Variants in PHF14 observed in about 807,000 individuals in gnomAD.
PHF14 encodes PHD finger protein 14.
Under a neutral mutation model 117.9 loss-of-function variants are expected in PHF14, and 55 were observed. The ratio of observed to expected loss-of-function variants is 0.47; its 90% CI spans 0.38 to 0.58. The LOEUF (loss-of-function observed/expected upper bound fraction) is 0.58, where lower values mean the gene tolerates loss of function less well. Ranked by LOEUF, PHF14 falls within the 20% of genes least tolerant of loss-of-function variation. PHF14 has a pLI of 0.00. For synonymous variants in PHF14, 409 were observed against 368.6 expected (o/e 1.11, Z -1.26); for missense variants, 978 against 1,122.2 (o/e 0.87, Z 1.84).
At chr7:11,150,127 A>G (rs756400467) in intron 17 of PHF14, among the ~76,000 whole-genome samples, 3 of 152,124 alleles carry the variant, frequency 2.0e-5, no homozygotes, top group Non-Finnish European at 4.4e-5. Flanking sequence ...AGGTATAACA[A>G]TATGCCAGGG....
Position 11,033,555 on chromosome 7 carries a change from C to G in PHF14, c.1456-2085C>G, listed in dbSNP as rs577293993. 7.9e-5 allele frequency among the ~76,000 whole-genome samples: 12 copies of G among 152,220 alleles called. No individual in the cohort carries two copies. In the East Asian group the frequency reaches 1.9e-3, roughly 25 times the overall value. ...GGAGGCTGGATCAGATAGTTTCTAG[C>G]AGGGTAGCCATATGCCCAGTAAAAA... On this transcript the variant is annotated intron_variant, in intron 7 of 17. Coordinates refer to ENST00000634607, the MANE Select transcript of PHF14 (RefSeq NM_001007157.2).
intron 17 of PHF14, among the ~76,000 whole-genome samples, chr7:11,159,647 C>T (rs1270757980): frequency 6.6e-6 from 1 of 152,056 alleles, no homozygotes; most frequent in African/African-American, 2.4e-5. Context: ...TAAGATTACA[C>T]TACAGCTTTG....
intron 7 of PHF14, among the ~76,000 whole-genome samples, chr7:11,030,925 T>C (rs914044887): frequency 1.3e-4 from 20 of 152,238 alleles, no homozygotes; most frequent in African/African-American, 4.8e-4. Context: ...GAATATTGCA[T>C]GAATCAATAT....
chr7:11,134,819 A>C (rs1788173453), intron 17 of PHF14, among the ~76,000 whole-genome samples: 1 of 152,180 alleles, frequency 6.6e-6, no homozygotes, highest in Non-Finnish European at 1.5e-5. Context: ...AAAAAACATG[A>C]GTAAACTCAA....
intron 4 of PHF14, chr7:11,006,510 A>G: frequency 3.6e-6 from 2 of 562,612 alleles, no homozygotes; most frequent in Non-Finnish European, 6.9e-6. Flanking sequence ...CACCTTGGCC[A>G]CATCAATGTC....
intron 16 of PHF14, among the ~76,000 whole-genome samples, chr7:11,091,888 T>A (rs1462980269): frequency 6.6e-6 from 1 of 152,220 alleles, no homozygotes; most frequent in Admixed American, 6.5e-5. Context: ...AGTAAATGAC[T>A]GCGTCTTTCA....
At chr7:11,126,496 T>C (rs1787932918) in intron 17 of PHF14, among the ~76,000 whole-genome samples, 1 of 152,154 alleles carries the variant, frequency 6.6e-6, no homozygotes, top group African/African-American at 2.4e-5. Context: ...CTTTATTTTT[T>C]AGTATTCTCA....
At position 11,023,044 on chromosome 7, in the gene PHF14, T is replaced by C. The variant is rs143179576; in HGVS notation, c.1317+65T>C. ...GTTTTACTTGTTAGTTTACCTGGCT[T>C]TTTATTTGTATTATGTTGACTGCAG... On this transcript the variant is annotated intron_variant, in intron 6 of 17. Transcript: ENST00000634607. The C allele has an allele frequency of 1.6e-4, 128 of 824,120 alleles. No individual in the cohort carries two copies. The African/African-American group carries it at 2.0e-3, about 13-fold the overall frequency. The allele number at this position is 824,120 out of a possible 1,614,324, so 51.1% of individuals were successfully genotyped here.
intron 7 of PHF14, among the ~76,000 whole-genome samples, chr7:11,030,637 T>C (rs1267400391): frequency 6.6e-6 from 1 of 152,098 alleles, no homozygotes. Flanking sequence ...ATAAGCTAAT[T>C]TGAGGAAATT....
chr7:11,156,214 T>C (rs1012714782), intron 17 of PHF14, among the ~76,000 whole-genome samples: 1 of 152,140 alleles, frequency 6.6e-6, no homozygotes, highest in African/African-American at 2.4e-5. Flanking sequence ...ATAATGAAAA[T>C]AGGGACGTTA....
chr7:11,138,327 C>T (rs1392136723), intron 17 of PHF14, among the ~76,000 whole-genome samples: 2 of 152,116 alleles, frequency 1.3e-5, no homozygotes, highest in Non-Finnish European at 2.9e-5. Flanking sequence ...AGGCGTGAGC[C>T]ACTGCGCCTG....
At chr7:11,118,124 G>A (rs1173663250) in intron 17 of PHF14, among the ~76,000 whole-genome samples, 2 of 151,806 alleles carry the variant, frequency 1.3e-5, no homozygotes, top group Non-Finnish European at 2.9e-5. Flanking sequence ...ATACAGATAT[G>A]TAAAAAGTCT....
intron 16 of PHF14, among the ~76,000 whole-genome samples, chr7:11,091,399 G>A (rs1333387313): frequency 1.3e-5 from 2 of 151,806 alleles, no homozygotes; most frequent in Non-Finnish European, 2.9e-5. Flanking sequence ...TGAATAGAGG[G>A]TTTTTTTTAA....
chr7:10,979,777 C>T (rs1343953431), intron 2 of PHF14, among the ~76,000 whole-genome samples: 2 of 151,888 alleles, frequency 1.3e-5, no homozygotes, highest in Non-Finnish European at 2.9e-5. Context: ...TTTCAGATAT[C>T]AGAGAAAGAT....
intron 17 of PHF14, among the ~76,000 whole-genome samples, chr7:11,136,377 T>TA (rs1028485811): frequency 3.9e-5 from 6 of 152,218 alleles, no homozygotes; most frequent in Admixed American, 2.0e-4. Context: ...TGGCTGTTTT[T>TA]ATCTCTTTAT....
At chr7:11,019,035 C>T (rs1430568274) in intron 5 of PHF14, among the ~76,000 whole-genome samples, 1 of 152,078 alleles carries the variant, frequency 6.6e-6, no homozygotes, top group Non-Finnish European at 1.5e-5. Flanking sequence ...TGTGATATAT[C>T]ATGTTGATTG....
chr7:11,160,317 A>G (rs1335581677), intron 17 of PHF14, among the ~76,000 whole-genome samples: 5 of 152,194 alleles, frequency 3.3e-5, no homozygotes, highest in Non-Finnish European at 7.4e-5. Context: ...ATGGGCACCT[A>G]GGTTGATTAC....
At chr7:11,037,356 C>T (rs1784348821) in intron 10 of PHF14, among the ~76,000 whole-genome samples, 1 of 152,190 alleles carries the variant, frequency 6.6e-6, no homozygotes, top group Middle Eastern at 3.4e-3. Flanking sequence ...ATCATTGCTT[C>T]CATTTTCAGG....
At chr7:11,101,247 C>T (rs1426222973) in intron 16 of PHF14, among the ~76,000 whole-genome samples, 2 of 151,804 alleles carry the variant, frequency 1.3e-5, no homozygotes, top group African/African-American at 2.4e-5. Context: ...TGTCTATATT[C>T]GGATGCATTT....
Sources: allele counts gnomAD v4.1 joint callset (sites outside exome capture counted in the v4.1 genomes callset), GRCh38; gene constraint gnomAD v4.1.1; transcripts MANE v1.5; gene names NCBI Gene and HGNC (gene_info 2026-07-23, HGNC 2026-07-21).